Variants in PLEKHG4B observed in about 807,000 individuals in gnomAD.
PLEKHG4B encodes pleckstrin homology domain-containing family G member 4B.
In PLEKHG4B, 111 loss-of-function variants were observed where a neutral mutation model predicts 121.3. That is an observed-to-expected ratio of 0.92 (90% CI 0.78 to 1.07). PLEKHG4B has a LOEUF of 1.07. Among genes scored for constraint, PLEKHG4B ranks in the 50% least tolerant of loss-of-function variants. PLEKHG4B has a pLI of 0.00. For missense variants in PLEKHG4B, 1,831 were observed against 1,757.8 expected, an observed-to-expected ratio of 1.04 and a Z score of -0.74; for synonymous variants, 738 against 725.0, an observed-to-expected ratio of 1.02 and a Z score of -0.29.
At chr5:135,352 T>A (rs79141167) in intron 2 of PLEKHG4B, among the ~76,000 whole-genome samples, 3,812 of 151,732 alleles carry the variant, frequency 0.025, 66 homozygotes, top group Middle Eastern at 0.037. Flanking sequence ...ACATCTCATG[T>A]TCATGGATTG....
Position 181,746 on chromosome 5 carries a change from C to T in PLEKHG4B, c.4564+71C>T, listed in dbSNP as rs112176364. 6,517 of 1,543,572 alleles carry T rather than the reference C, an allele frequency of 4.2e-3. 155 individuals are homozygous for T. In the African/African-American group the frequency reaches 0.062, roughly 15 times the overall value. On this transcript the variant is annotated intron_variant, in intron 19 of 19. Transcript: ENST00000637938. ...GGGCCTGTCATCAAGGGCATGGGTA[C>T]GGTGGCATCGGCCCCACCCTCACTC...
chr5:124,809 T>C (rs1734566767), intron 2 of PLEKHG4B, among the ~76,000 whole-genome samples: 1 of 152,188 alleles, frequency 6.6e-6, no homozygotes, highest in African/African-American at 2.4e-5. Context: ...GTGGACACCA[T>C]ATAGTTGGAT....
intron 18 of PLEKHG4B, among the ~76,000 whole-genome samples, chr5:175,135 T>C (rs983096072): frequency 7.2e-5 from 11 of 152,008 alleles, no homozygotes; most frequent in African/African-American, 2.7e-4. Context: ...GGTTCCATGT[T>C]TAACCCTCTG....
At chr5:106,907 T>C (rs1733990384) in intron 1 of PLEKHG4B, among the ~76,000 whole-genome samples, 1 of 152,206 alleles carries the variant, frequency 6.6e-6, no homozygotes, top group African/African-American at 2.4e-5. Context: ...TGTACGTGTG[T>C]GTGCACGCAC....
rs747305233 is a variant in PLEKHG4B, at chr5:143,270, C to T, written c.1687+14C>T. On this transcript the variant is annotated intron_variant, in intron 4 of 19. Transcript: ENST00000637938. ...TCACCCTCCCAGGTGAGAGCACATGCCAGGCTCTCCTGTCAGGGCGGATCT... is the reference window on the plus strand; with the variant it reads ...TCACCCTCCCAGGTGAGAGCACATGTCAGGCTCTCCTGTCAGGGCGGATCT... 6.2e-7 allele frequency: 1 copy of T among 1,609,434 alleles called. No homozygotes were observed. Among genetic ancestry groups the T allele is most frequent in the Admixed American group, 1.7e-5 (1 of 60,014 alleles).
chr5:160,376 C>T (rs1735953841), intron 11 of PLEKHG4B, among the ~76,000 whole-genome samples: 1 of 152,234 alleles, frequency 6.6e-6, no homozygotes, highest in South Asian at 2.1e-4. Context: ...TGGCTGCGGT[C>T]AGACCATTTG....
At position 187,799 on chromosome 5, in the gene PLEKHG4B, A is replaced by AGC. The variant is rs1733672104; in HGVS notation, c.*5476_*5477insGC. 3 of 152,156 alleles carry AGC rather than the reference A, an allele frequency of 2.0e-5. No individual in the cohort carries two copies. The highest frequency in any genetic ancestry group is 4.4e-5 in the Non-Finnish European group (3 of 68,130). 9.4% of individuals were successfully genotyped at this position (152,156 alleles called of 1,614,324 possible). A position where few individuals can be genotyped will look rare whatever the true frequency, so the allele number is the denominator to read the frequency against. ...CTCCCCGGCCCGCCTGTAGCTCCCA[A>AGC]AGGTCTCAAGCCTCAACATCCTGGT... On this transcript the variant is annotated 3_prime_UTR_variant, in exon 20 of 20. Coordinates refer to ENST00000637938, the MANE Select transcript of PLEKHG4B (RefSeq NM_052909.5).
chr5:105,425 A>G (rs539185915), intron 1 of PLEKHG4B, among the ~76,000 whole-genome samples: 1 of 152,332 alleles, frequency 6.6e-6, no homozygotes, highest in African/African-American at 2.4e-5. Context: ...AACCATATTG[A>G]TGATTTACGT....
chr5:122,205 G>A (rs898209630), intron 2 of PLEKHG4B, among the ~76,000 whole-genome samples: 1 of 152,054 alleles, frequency 6.6e-6, no homozygotes, highest in African/African-American at 2.4e-5. Flanking sequence ...CCAAAAAATA[G>A]AGGATGAAAG....
intron 2 of PLEKHG4B, among the ~76,000 whole-genome samples, chr5:134,578 C>T (rs546575045): frequency 2.2e-4 from 34 of 151,318 alleles, no homozygotes; most frequent in African/African-American, 7.5e-4. Flanking sequence ...CCAGCCTAGC[C>T]GATGTAGTGA....
At chr5:100,388 C>A (rs1356614333) in intron 1 of PLEKHG4B, among the ~76,000 whole-genome samples, 1 of 151,204 alleles carries the variant, frequency 6.6e-6, no homozygotes, top group African/African-American at 2.4e-5. Flanking sequence ...ATATAAAGCC[C>A]TGGAAAAAGC....
intron 9 of PLEKHG4B, 117 bp downstream of exon 9, chr5:155,560 C>T (rs1666522681): frequency 5.2e-6 from 4 of 768,336 alleles, no homozygotes; most frequent in Non-Finnish European, 6.6e-6. Flanking sequence ...CAGAGACCTT[C>T]AAATCCTTTT....
Position 140,162 on chromosome 5 carries a change from C to T in PLEKHG4B, c.923C>T (p.Ser308Leu), listed in dbSNP as rs1560921504. 17 of 807,714 alleles carry T rather than the reference C, an allele frequency of 2.1e-5. No individual in the cohort carries two copies. The highest frequency in any genetic ancestry group is 5.9e-5 in the East Asian group (2 of 33,714). 50.0% of individuals were successfully genotyped at this position (807,714 alleles called of 1,614,324 possible). ...PRMPPENCGG[S>L]GERPDPMDQE... is the part of the protein sequence containing the mutation. ...ATGCCCCCTGAGAACTGTGGGGGGT[C>T]GGGGGAGAGGCCGGACCCCATGGAC... The change falls in exon 3 of 20, where the codon TCG becomes TTG. Residue 308 changes from serine (S) to leucine (L), a missense_variant. Physicochemically the swap from Ser to Leu is moderately radical, Grantham distance 145. Transcript: ENST00000637938.
In PLEKHG4B at chr5:181,983, G is replaced by A. The variant is rs150248080; in HGVS notation, c.4565-21G>A. 199 of 1,606,290 alleles carry A rather than the reference G, an allele frequency of 1.2e-4. No individual in the cohort carries two copies. In the East Asian group the frequency reaches 3.6e-3, roughly 29 times the overall value. On this transcript the variant is annotated intron_variant, in intron 19 of 19. Coordinates refer to ENST00000637938, the MANE Select transcript of PLEKHG4B (RefSeq NM_052909.5). ...CTTCTGGAGCGGAAGCCAGCCTGAC[G>A]TGCTTTCTGTCCCTTTCCAGAGTCA... is the stretch of plus-strand genomic sequence containing the variant.
chr5:174,793 C>G lies in PLEKHG4B; in HGVS notation c.4402+695C>G, dbSNP rs139743119. Among the ~76,000 whole-genome samples, 914 of 152,180 alleles carry G rather than the reference C, an allele frequency of 6.0e-3. 11 individuals are homozygous for G. Among genetic ancestry groups the G allele is most frequent in the African/African-American group, 0.021 (876 of 41,494 alleles). Reference sequence around the variant, plus strand: ...CAGAATAGCCAAGGGTCTTCTGTCTCAGGGCTCTCTGGTCTGAGCCAGGAA... The same window carrying G: ...CAGAATAGCCAAGGGTCTTCTGTCTGAGGGCTCTCTGGTCTGAGCCAGGAA... On this transcript the variant is annotated intron_variant, in intron 18 of 19. Coordinates refer to ENST00000637938, the MANE Select transcript of PLEKHG4B (RefSeq NM_052909.5).
chr5:132,723 G>A (rs954234723), intron 2 of PLEKHG4B, among the ~76,000 whole-genome samples: 4 of 152,024 alleles, frequency 2.6e-5, no homozygotes, highest in African/African-American at 7.2e-5. Flanking sequence ...GTGTATTTCC[G>A]GGTTCTCTAT....
Position 156,747 on chromosome 5 carries a change from C to T in PLEKHG4B, c.2349-26C>T, listed in dbSNP as rs1735794956. 1.9e-6 allele frequency: 3 copies of T among 1,539,390 alleles called. No individual in the cohort carries two copies. The East Asian group carries it at 7.4e-5, about 38-fold the overall frequency. ...GATTCCTCAAGGGGCCGCCTGGAAG[C>T]CTGAGGACTGCCTTCTCTTCCTCAG... On this transcript the variant is annotated intron_variant, in intron 10 of 19. Transcript: ENST00000637938. The surrounding 1 kb of genome is among the most constrained non-coding windows in gnomAD (Gnocchi z 4.4).
chr5:144,155 T>C (rs1404837852), intron 5 of PLEKHG4B: 1 of 152,966 alleles, frequency 6.5e-6, no homozygotes, highest in Admixed American at 6.5e-5. Flanking sequence ...CTGTAATGTG[T>C]GTGAACAATC....
intron 2 of PLEKHG4B, among the ~76,000 whole-genome samples, chr5:133,779 G>C (rs954747143): frequency 6.6e-6 from 1 of 151,528 alleles, no homozygotes; most frequent in Non-Finnish European, 1.5e-5. Context: ...CCCACTCTTG[G>C]GTATCTACCC....
Sources: gnomAD v4.1 joint callset for allele counts (sites outside exome capture counted in the v4.1 genomes callset) on GRCh38, gnomAD v4.1.1 for gene constraint, Gnocchi (gnomAD v3.1) non-coding constraint, MANE v1.5 for transcripts, NCBI Gene and HGNC (gene_info 2026-07-23, HGNC 2026-07-21) for gene names.